Variants in CFAP46 observed in about 807,000 individuals in gnomAD.
CFAP46 encodes the protein cilia and flagella associated protein 46.
CFAP46 carries 245 observed loss-of-function variants against 325.7 expected under a neutral mutation model. The observed-to-expected ratio is 0.75, with a 90% CI of 0.68 to 0.84. CFAP46 has a LOEUF of 0.84. CFAP46 is among the 40% of genes least tolerant of loss of function. The pLI is 0.00. For missense variants in CFAP46, 3,346 were observed against 3,543.0 expected, an observed-to-expected ratio of 0.94 and a Z score of 1.41; for synonymous variants, 1,523 against 1,495.9, an observed-to-expected ratio of 1.02 and a Z score of -0.42.
chr10:132,888,284 C>A (rs1461431843), intron 25 of CFAP46, among the ~76,000 whole-genome samples: 1 of 151,414 alleles, frequency 6.6e-6, no homozygotes, highest in African/African-American at 2.4e-5. Context: ...TGGCTCCCAT[C>A]CTGGGTGCTT....
At position 132,922,069 on chromosome 10, in the gene CFAP46, C is replaced by T. The variant is rs763975051; in HGVS notation, c.1606+35G>A. ...GCCTGGGAGCCATTCCAAGGTGGAC[C>T]GTTCTGGGCTGGGAGAGCCCAGTGC... is the stretch of plus-strand genomic sequence containing the variant. On this transcript the variant is annotated intron_variant, in intron 13 of 57. Coordinates refer to ENST00000368586, the MANE Select transcript of CFAP46 (RefSeq NM_001200049.3). 129 of 1,537,836 alleles carry T rather than the reference C, an allele frequency of 8.4e-5. 1 individual carries two copies. Among genetic ancestry groups the T allele is most frequent in the Non-Finnish European group, 1.0e-4 (118 of 1,139,572 alleles).
chr10:132,846,821 G>A (rs1179854886), intron 43 of CFAP46, 111 bp downstream of exon 43: 1 of 1,353,848 alleles, frequency 7.4e-7, no homozygotes, highest in African/African-American at 1.5e-5. Flanking sequence ...ACCCTGGCCT[G>A]CGGCCTGCTT....
intron 38 of CFAP46, among the ~76,000 whole-genome samples, 190 bp downstream of exon 38, chr10:132,858,881 C>T (rs1050462840): frequency 2.0e-5 from 3 of 152,110 alleles, no homozygotes; most frequent in African/African-American, 7.2e-5. Context: ...GCTCCCCCGA[C>T]GGGGAGGGCT....
chr10:132,826,456 C>CA (rs1848054522), intron 50 of CFAP46, among the ~76,000 whole-genome samples: 1 of 86,412 alleles, frequency 1.2e-5, no homozygotes, highest in Non-Finnish European at 2.6e-5. Flanking sequence ...AGGCAGGAGC[C>CA]GGAGCCACAG....
chr10:132,872,494 A>C (rs184993291), intron 32 of CFAP46, 182 bp downstream of exon 32: 64 of 735,120 alleles, frequency 8.7e-5, no homozygotes, highest in Admixed American at 4.0e-4. Context: ...CCTGGGATCA[A>C]ATAGTCCTCC....
chr10:132,818,081 C>T (rs1397527078), intron 50 of CFAP46, among the ~76,000 whole-genome samples: 2 of 152,208 alleles, frequency 1.3e-5, no homozygotes, highest in Admixed American at 6.5e-5. Flanking sequence ...GACCACGCGA[C>T]GTCGCAGGCT....
chr10:132,909,040 A>C, intron 21 of CFAP46, 97 bp downstream of exon 21: 1 of 832,734 alleles, frequency 1.2e-6, no homozygotes, highest in Non-Finnish European at 1.9e-6. Context: ...GGGGGTGAGC[A>C]TGCACGATGG....
chr10:132,916,490 G>T, intron 17 of CFAP46, 59 bp downstream of exon 17: 1 of 1,505,072 alleles, frequency 6.6e-7, no homozygotes, highest in Non-Finnish European at 8.9e-7. Flanking sequence ...CCTGAGTGCA[G>T]GGGACACTCT....
At chr10:132,814,979 G>T in intron 50 of CFAP46, 65 bp from the exon 51 acceptor site, 1 of 1,422,352 alleles carries the variant, frequency 7.0e-7, no homozygotes, top group Non-Finnish European at 9.8e-7. Flanking sequence ...CCGGCCACAC[G>T]GTCGGTTAAT....
At chr10:132,830,513 T>C (rs1318016652) in intron 50 of CFAP46, among the ~76,000 whole-genome samples, 1 of 152,258 alleles carries the variant, frequency 6.6e-6, no homozygotes, top group Non-Finnish European at 1.5e-5. Flanking sequence ...CATATCCAGG[T>C]CATCCCTTTC....
chr10:132,939,771 G>C lies in CFAP46; in HGVS notation c.372-1018C>G, dbSNP rs1266487142. ...CTCCCTGAGTGCTGCGTCTCCCTGA[G>C]TGCTGCGTCTCGAAAGGAACCCGTC... On this transcript the variant is annotated intron_variant, in intron 4 of 57. Transcript: ENST00000368586. This position sits in a 1 kb window ranked among gnomAD's most constrained non-coding sequence, Gnocchi z 4.6. Among the ~76,000 whole-genome samples, 1 of 152,188 alleles carries C rather than the reference G, an allele frequency of 6.6e-6. No homozygotes were observed. Among genetic ancestry groups the C allele is most frequent in the Non-Finnish European group, 1.5e-5 (1 of 68,024 alleles).
chr10:132,887,159 TC>T (rs1849147744), intron 25 of CFAP46, among the ~76,000 whole-genome samples: 1 of 35,922 alleles, frequency 2.8e-5, no homozygotes, highest in African/African-American at 2.7e-4. Context: ...CTCTCTCTCC[TC>T]TCTCTTCTTT....
At position 132,832,396 on chromosome 10, in the gene CFAP46, C is replaced by T. The variant is rs549980933; in HGVS notation, c.7117+962G>A. Among the ~76,000 whole-genome samples, 5 of 142,204 alleles carry T rather than the reference C, an allele frequency of 3.5e-5. No individual in the cohort carries two copies. The highest frequency in any genetic ancestry group is 1.4e-4 in the Admixed American group (2 of 14,440). 93.3% of individuals were successfully genotyped at this position (142,204 alleles called of 152,430 possible). A position where few individuals can be genotyped will look rare whatever the true frequency, so the allele number is the denominator to read the frequency against. ...ACCCCTGGGCTCTTCCTGCCCCCCC[C>T]CCCCAATGCTGTGGCCTGGAAATTC... On this transcript the variant is annotated intron_variant, in intron 50 of 57. Coordinates refer to ENST00000368586, the MANE Select transcript of CFAP46 (RefSeq NM_001200049.3). The surrounding 1 kb of genome is among the most constrained non-coding windows in gnomAD (Gnocchi z 4.1).
chr10:132,880,779 A>C, intron 28 of CFAP46, 82 bp downstream of exon 28: 1 of 1,468,286 alleles, frequency 6.8e-7, no homozygotes, highest in Non-Finnish European at 9.1e-7. Flanking sequence ...TGGATACCCA[A>C]CGGCGGTCCA....
chr10:132,836,241 G>A, intron 45 of CFAP46, 23 bp from the exon 46 acceptor site: 1 of 1,609,314 alleles, frequency 6.2e-7, no homozygotes, highest in Non-Finnish European at 8.5e-7. Flanking sequence ...CGTGGGCCAG[G>A]GTCGCAGGCA....
chr10:132,888,348 C>T (rs1849198741), intron 25 of CFAP46, among the ~76,000 whole-genome samples: 1 of 107,642 alleles, frequency 9.3e-6, no homozygotes, highest in Non-Finnish European at 1.9e-5. Flanking sequence ...CTGCCACCTT[C>T]ACCCCTGCCG....
At chr10:132,874,785 T>C (rs1848937924) in intron 31 of CFAP46, among the ~76,000 whole-genome samples, 1 of 152,098 alleles carries the variant, frequency 6.6e-6, no homozygotes, top group African/African-American at 2.4e-5. Context: ...TAAAGATCGA[T>C]AAAAACCTAC....
chr10:132,892,212 T>G (rs1302899758), intron 25 of CFAP46, 121 bp downstream of exon 25: 8 of 820,184 alleles, frequency 9.8e-6, no homozygotes. Flanking sequence ...TTATCTGGAG[T>G]TACTGCCAAG....
intron 7 of CFAP46, 39 bp from the exon 8 acceptor site, chr10:132,934,901 G>C (rs772158228): frequency 7.9e-7 from 1 of 1,258,416 alleles, no homozygotes; most frequent in East Asian, 2.3e-5. Context: ...ACAAGATCCT[G>C]TCAGATTTAT....
Sources: gnomAD v4.1 joint callset for allele counts (sites outside exome capture counted in the v4.1 genomes callset) on GRCh38, gnomAD v4.1.1 for gene constraint, Gnocchi (gnomAD v3.1) non-coding constraint, MANE v1.5 for transcripts, NCBI Gene and HGNC (gene_info 2026-07-23, HGNC 2026-07-21) for gene names.